DENND1A: variants seen among roughly 807,000 people sequenced by gnomAD.
DENND1A encodes the protein DENN domain containing 1A.
A neutral mutation model predicts 113.7 loss-of-function variants in DENND1A; 51 were observed. The ratio of observed to expected loss-of-function variants is 0.45; its 90% CI spans 0.36 to 0.57. The LOEUF (loss-of-function observed/expected upper bound fraction) is 0.57, where lower values mean the gene tolerates loss of function less well. Ranked by LOEUF, DENND1A falls within the 20% of genes least tolerant of loss-of-function variation. The pLI is 0.00. For missense variants in DENND1A, 1,258 were observed against 1,395.9 expected (o/e 0.90, Z 1.57); for synonymous variants, 565 against 570.8 (o/e 0.99, Z 0.14).
In DENND1A at chr9:123,871,046, C is replaced by G. The variant is rs1846523239; in HGVS notation, c.88+7905G>C. ...AATTTGACTCTCAAAAGAGCTCCCCCCGCCATACCACTTCTCAGGAGACAA... is the reference window on the plus strand; with the variant it reads ...AATTTGACTCTCAAAAGAGCTCCCCGCGCCATACCACTTCTCAGGAGACAA... On this transcript the variant is annotated intron_variant, in intron 2 of 23. Transcript: ENST00000394215. 2.6e-5 allele frequency among the ~76,000 whole-genome samples: 4 copies of G among 152,196 alleles called. No individual in the cohort carries two copies. In the South Asian group the frequency reaches 8.3e-4, roughly 32 times the overall value.
chr9:123,756,160 C>T (rs1193282072), intron 5 of DENND1A, among the ~76,000 whole-genome samples: 1 of 152,186 alleles, frequency 6.6e-6, no homozygotes. Context: ...GATCCACCCA[C>T]CTCAGCGTCC....
chr9:123,616,331 T>C (rs1304281404), intron 10 of DENND1A, among the ~76,000 whole-genome samples: 1 of 152,236 alleles, frequency 6.6e-6, no homozygotes, highest in East Asian at 1.9e-4. Flanking sequence ...TCTCTTACGC[T>C]ACTCTTACTT....
intron 22 of DENND1A, 76 bp from the exon 23 acceptor site, chr9:123,383,989 C>A: frequency 6.5e-7 from 1 of 1,549,158 alleles, no homozygotes; most frequent in African/African-American, 1.3e-5. Flanking sequence ...AGCCCAAGCA[C>A]ATTGAGGGCT....
intron 2 of DENND1A, among the ~76,000 whole-genome samples, chr9:123,874,200 T>TAA (rs3050143): frequency 0.098 from 9,144 of 92,946 alleles, 469 homozygotes; most frequent in African/African-American, 0.17. Flanking sequence ...ATTTAAAAAG[T>TAA]AAAAAAAAAA....
chr9:123,593,710 T>C (rs1564784286), intron 11 of DENND1A, among the ~76,000 whole-genome samples: 1 of 152,164 alleles, frequency 6.6e-6, no homozygotes, highest in Non-Finnish European at 1.5e-5. Context: ...AATTACATCT[T>C]AGTAGCTTGT....
chr9:123,858,069 A>AAAAAAAG (rs1844516955), intron 2 of DENND1A, among the ~76,000 whole-genome samples: 1 of 151,832 alleles, frequency 6.6e-6, no homozygotes, highest in Non-Finnish European at 1.5e-5. Context: ...AAAAAAAAAA[A>AAAAAAAG]AAAAAAAGAA....
intron 10 of DENND1A, among the ~76,000 whole-genome samples, chr9:123,626,423 C>T (rs1164100048): frequency 6.6e-6 from 1 of 152,024 alleles, no homozygotes; most frequent in African/African-American, 2.4e-5. Flanking sequence ...GACTCTGTCT[C>T]GGGTGATGTG....
rs190096657 is a variant in DENND1A at position 123,903,144 on chromosome 9, A to G, written c.18-24123T>C. 4.4e-3 allele frequency among the ~76,000 whole-genome samples: 661 copies of G among 151,438 alleles called. 6 individuals are homozygous for G. Among genetic ancestry groups the G allele is most frequent in the African/African-American group, 0.015 (624 of 41,304 alleles). On this transcript the variant is annotated intron_variant, in intron 1 of 23. Transcript: ENST00000394215. ...TCAGGAGATCGAGACCATCCCGGCT[A>G]AAACGGTGAAACCCCATCTCTACTA...
chr9:123,448,333 A>C lies in DENND1A; in HGVS notation c.1356+2360T>G, dbSNP rs534007897. Among the ~76,000 whole-genome samples the C allele has an allele frequency of 5.3e-5, 8 of 152,368 alleles. No homozygotes were observed. In the South Asian group the frequency reaches 1.7e-3, roughly 32 times the overall value. The stretch of plus-strand genomic sequence containing the variant: ...TGCAGAAATGTTACTTATCATAAGA[A>C]GGGGATTTTCCTAAGGCCAGAGGCT... On this transcript the variant is annotated intron_variant, in intron 18 of 23. Transcript: ENST00000394215.
chr9:123,433,196 T>TGGAAACGGAATTTCACTGAGGC (rs2132137417), intron 19 of DENND1A, among the ~76,000 whole-genome samples: 1 of 152,330 alleles, frequency 6.6e-6, no homozygotes, highest in East Asian at 1.9e-4. Flanking sequence ...TCTAGAGATG[T>TGGAAACGGAATTTCACTGAGGC]GGAAACGGAA....
At chr9:123,884,052 A>C (rs1022717408) in intron 1 of DENND1A, among the ~76,000 whole-genome samples, 2 of 152,202 alleles carry the variant, frequency 1.3e-5, no homozygotes, top group Non-Finnish European at 2.9e-5. Flanking sequence ...CAGGGAAGCC[A>C]ACGCAGATAG....
chr9:123,504,529 A>G (rs1210098341), intron 13 of DENND1A, among the ~76,000 whole-genome samples: 2 of 152,224 alleles, frequency 1.3e-5, no homozygotes, highest in African/African-American at 4.8e-5. Flanking sequence ...ACAGTTAAAA[A>G]ATTTTTCATT....
At chr9:123,819,168 C>T (rs1293062615) in intron 2 of DENND1A, among the ~76,000 whole-genome samples, 3 of 152,154 alleles carry the variant, frequency 2.0e-5, no homozygotes, top group East Asian at 3.8e-4. Flanking sequence ...AGACTGTTTT[C>T]CCTTCTAAAT....
At chr9:123,828,533 A>C (rs1044584372) in intron 2 of DENND1A, among the ~76,000 whole-genome samples, 1 of 152,014 alleles carries the variant, frequency 6.6e-6, no homozygotes, top group African/African-American at 2.4e-5. Flanking sequence ...AGATTTAAGA[A>C]ACACTCTAAA....
intron 12 of DENND1A, among the ~76,000 whole-genome samples, chr9:123,562,359 C>T (rs1408611170): frequency 1.3e-5 from 2 of 152,098 alleles, no homozygotes; most frequent in Non-Finnish European, 2.9e-5. Context: ...TCTGAAAGAC[C>T]ATCCAAGTCT....
intron 9 of DENND1A, among the ~76,000 whole-genome samples, chr9:123,634,240 C>A (rs987822250): frequency 6.6e-6 from 1 of 152,136 alleles, no homozygotes; most frequent in Non-Finnish European, 1.5e-5. Flanking sequence ...AAAAATCAAG[C>A]TTTTAAGGTG....
chr9:123,410,044 A>T (rs950658247), intron 20 of DENND1A, among the ~76,000 whole-genome samples: 7 of 152,212 alleles, frequency 4.6e-5, no homozygotes, highest in Non-Finnish European at 4.4e-5. Context: ...GTGAGCTGAG[A>T]TTGCACCACT....
chr9:123,819,249 C>CAA (rs1491345376), intron 2 of DENND1A, among the ~76,000 whole-genome samples: 2 of 152,146 alleles, frequency 1.3e-5, no homozygotes, highest in Non-Finnish European at 2.9e-5. Context: ...CAAACACATG[C>CAA]ACACACACAA....
chr9:123,568,858 G>A (rs560851986), intron 12 of DENND1A, among the ~76,000 whole-genome samples: 12 of 152,318 alleles, frequency 7.9e-5, no homozygotes, highest in African/African-American at 2.9e-4. Flanking sequence ...GTGTTTCACA[G>A]TGTCCCCGCT....
Sources: allele counts gnomAD v4.1 joint callset (sites outside exome capture counted in the v4.1 genomes callset), GRCh38; gene constraint gnomAD v4.1.1; transcripts MANE v1.5; gene names NCBI Gene and HGNC (gene_info 2026-07-23, HGNC 2026-07-21).